Variants in TRIO observed in about 807,000 individuals in gnomAD.
TRIO encodes the protein trio Rho guanine nucleotide exchange factor.
A neutral mutation model predicts 351.9 loss-of-function variants in TRIO; 58 were observed. The observed-to-expected ratio is 0.16, with a 90% CI of 0.13 to 0.21. The LOEUF (loss-of-function observed/expected upper bound fraction) is 0.21, where lower values mean the gene tolerates loss of function less well. Among genes scored for constraint, TRIO ranks in the 10% least tolerant of loss-of-function variants. The pLI, the probability that TRIO is intolerant of heterozygous loss-of-function variation, is 1.00. For missense variants in TRIO, 3,201 were observed against 4,027.8 expected, an observed-to-expected ratio of 0.79 and a Z score of 5.56; for synonymous variants, 1,758 against 1,595.7, an observed-to-expected ratio of 1.10 and a Z score of -2.42.
intron 19 of TRIO, among the ~76,000 whole-genome samples, chr5:14,375,702 C>T (rs534390677): frequency 3.3e-5 from 5 of 152,272 alleles, no homozygotes; most frequent in Non-Finnish European, 5.9e-5. Flanking sequence ...GAGGAAGCCC[C>T]GTATCCAAGA....
chr5:14,362,001 C>G (rs1744193507), intron 13 of TRIO, among the ~76,000 whole-genome samples: 1 of 152,164 alleles, frequency 6.6e-6, no homozygotes. Context: ...GTACTCCCAG[C>G]TACTTGGGAG....
chr5:14,431,846 A>G (rs1427487104), intron 34 of TRIO, among the ~76,000 whole-genome samples: 2 of 152,192 alleles, frequency 1.3e-5, no homozygotes, highest in Admixed American at 6.5e-5. Flanking sequence ...TGGCTTGCAG[A>G]TGGCCACCCT....
At position 14,258,256 on chromosome 5, in the gene TRIO, G is replaced by A. The variant is rs146934666; in HGVS notation, c.158-12569G>A. On this transcript the variant is annotated intron_variant, in intron 1 of 56. Coordinates refer to ENST00000344204, the MANE Select transcript of TRIO (RefSeq NM_007118.4). ...CCCATGTGTGTAGCTCCCTTTTAAGGTGGCTGCTTGTAACCCTGTGTCATT... is the reference window on the plus strand; with the variant it reads ...CCCATGTGTGTAGCTCCCTTTTAAGATGGCTGCTTGTAACCCTGTGTCATT... Among the ~76,000 whole-genome samples the A allele has an allele frequency of 4.0e-3, 605 of 152,296 alleles. 5 individuals are homozygous for A. The highest frequency in any genetic ancestry group is 0.014 in the African/African-American group (585 of 41,566).
intron 34 of TRIO, among the ~76,000 whole-genome samples, chr5:14,460,229 T>C (rs1753672433): frequency 6.6e-6 from 1 of 152,234 alleles, no homozygotes; most frequent in Non-Finnish European, 1.5e-5. Context: ...CACATTTCTT[T>C]TTAAAATGTG....
chr5:14,316,377 C>CA (rs1554054073), intron 8 of TRIO, 136 bp from the exon 9 acceptor site: 1 of 823,962 alleles, frequency 1.2e-6, no homozygotes, highest in Non-Finnish European at 1.9e-6. Context: ...GAATGAATGT[C>CA]TGGGCATGTG....
At chr5:14,266,102 G>T (rs761650870) in intron 1 of TRIO, among the ~76,000 whole-genome samples, 1 of 150,864 alleles carries the variant, frequency 6.6e-6, no homozygotes, top group African/African-American at 2.4e-5. Context: ...TCGCTCTGCC[G>T]TCCAGGTAAG....
At chr5:14,213,411 C>G (rs1308149269) in intron 1 of TRIO, among the ~76,000 whole-genome samples, 1 of 151,434 alleles carries the variant, frequency 6.6e-6, no homozygotes, top group Non-Finnish European at 1.5e-5. Flanking sequence ...TTAACTCTAG[C>G]TGCTAGCAGA....
At chr5:14,285,206 C>A (rs887239932) in intron 3 of TRIO, among the ~76,000 whole-genome samples, 2 of 152,112 alleles carry the variant, frequency 1.3e-5, no homozygotes, top group Non-Finnish European at 2.9e-5. Context: ...TATTTGAAAT[C>A]ATTTCAATTT....
intron 1 of TRIO, among the ~76,000 whole-genome samples, chr5:14,227,820 T>C (rs1793144354): frequency 6.6e-6 from 1 of 152,242 alleles, no homozygotes; most frequent in Admixed American, 6.5e-5. Context: ...TGTTCTTTAG[T>C]CTCAATGGAA....
Position 14,508,689 on chromosome 5 carries a change from AAG to A in TRIO, c.*269_*270del, listed in dbSNP as rs1757889553. ...ATTCAGGTTTCTGCAAAAAAATAAAAAGATAACTTTTTTAAACAAACATGAAT... is the reference window on the plus strand; with the variant it reads ...ATTCAGGTTTCTGCAAAAAAATAAAAATAACTTTTTTAAACAAACATGAAT... On this transcript the variant is annotated 3_prime_UTR_variant, in exon 57 of 57. Coordinates refer to ENST00000344204, the MANE Select transcript of TRIO (RefSeq NM_007118.4). The A allele has an allele frequency of 5.3e-6, 2 of 380,542 alleles. No individual in the cohort carries two copies. Among genetic ancestry groups the A allele is most frequent in the Non-Finnish European group, 9.3e-6 (2 of 214,356 alleles). 23.6% of individuals were successfully genotyped at this position (380,542 alleles called of 1,614,324 possible). A position where few individuals can be genotyped will look rare whatever the true frequency, so the allele number is the denominator to read the frequency against.
intron 34 of TRIO, among the ~76,000 whole-genome samples, chr5:14,449,064 A>G (rs1752651979): frequency 6.6e-6 from 1 of 152,252 alleles, no homozygotes; most frequent in Non-Finnish European, 1.5e-5. Flanking sequence ...GAGAAAGATC[A>G]CATTAAAAAG....
chr5:14,497,766 A>G lies in TRIO; in HGVS notation c.8020-81A>G. On this transcript the variant is annotated intron_variant, in intron 50 of 56. Coordinates refer to ENST00000344204, the MANE Select transcript of TRIO (RefSeq NM_007118.4). The surrounding 1 kb of genome is among the most constrained non-coding windows in gnomAD (Gnocchi z 4.4). ...GTCAGTTTCTGCAAATCTTTCAACA[A>G]TAATTGTAGCCCTGGAATGAAAGGA... The G allele has an allele frequency of 6.3e-7, 1 of 1,577,224 alleles. No individual in the cohort carries two copies. The highest frequency in any genetic ancestry group is 8.7e-7 in the Non-Finnish European group (1 of 1,147,520).
intron 34 of TRIO, among the ~76,000 whole-genome samples, chr5:14,460,599 A>G (rs905813554): frequency 6.6e-6 from 1 of 152,270 alleles, no homozygotes; most frequent in African/African-American, 2.4e-5. Flanking sequence ...AAACTTCTCA[A>G]AATTTCCTTT....
intron 34 of TRIO, among the ~76,000 whole-genome samples, chr5:14,454,322 T>C (rs755544980): frequency 2.6e-5 from 4 of 152,182 alleles, no homozygotes; most frequent in Non-Finnish European, 4.4e-5. Context: ...CACGTACACT[T>C]AGTCTGGACT....
chr5:14,332,184 G>A (rs1740963757), intron 10 of TRIO, among the ~76,000 whole-genome samples: 1 of 152,056 alleles, frequency 6.6e-6, no homozygotes, highest in Admixed American at 6.5e-5. Context: ...CTATCCCCCT[G>A]GATTCAAATT....
At chr5:14,374,184 T>A (rs772547478) in intron 18 of TRIO, 45 bp from the exon 19 acceptor site, 3 of 1,506,702 alleles carry the variant, frequency 2.0e-6, no homozygotes, top group Non-Finnish European at 2.8e-6. Context: ...AATACACGTT[T>A]GTAGAAGTCA....
chr5:14,441,600 T>C (rs1752055344), intron 34 of TRIO, among the ~76,000 whole-genome samples: 1 of 152,250 alleles, frequency 6.6e-6, no homozygotes, highest in Admixed American at 6.5e-5. Context: ...CCATTGTGTG[T>C]TGTAAGACCT....
chr5:14,487,726 G>A lies in TRIO; in HGVS notation c.7098G>A (p.Met2366Ile). 7.0e-7 allele frequency: 1 copy of A among 1,437,468 alleles called. No homozygotes were observed. The highest frequency in any genetic ancestry group is 9.2e-7 in the Non-Finnish European group (1 of 1,086,600). 89.0% of individuals were successfully genotyped at this position (1,437,468 alleles called of 1,614,324 possible). A position where few individuals can be genotyped will look rare whatever the true frequency, so the allele number is the denominator to read the frequency against. ...CGAGCCAGGCAGAGGCAGACAAGAT[G>A]TCAGGTACGTCCACCCCCGGGCCCT... ...AASSQAEADK[M>I]SGTSTPGPSL... The change falls in exon 48 of 57, where the codon ATG becomes ATA. Residue 2366 changes from methionine to isoleucine, a missense_variant. This residue lies in a region of TRIO where 1,089 missense variants were observed against 954.9 expected (regional missense o/e 1.14). Transcript: ENST00000344204.
intron 47 of TRIO, among the ~76,000 whole-genome samples, chr5:14,485,543 G>A (rs1755854432): frequency 6.6e-6 from 1 of 152,164 alleles, no homozygotes; most frequent in East Asian, 1.9e-4. Flanking sequence ...CTGGCTCTTG[G>A]TCTGTGCCCC....
Sources: gnomAD v4.1 joint callset for allele counts (sites outside exome capture counted in the v4.1 genomes callset) on GRCh38, gnomAD v4.1.1 for gene constraint, gnomAD v4.1.1 regional missense constraint, Gnocchi (gnomAD v3.1) non-coding constraint, MANE v1.5 for transcripts, NCBI Gene and HGNC (gene_info 2026-07-23, HGNC 2026-07-21) for gene names.